The following EYS variants were observed in gnomAD, a reference collection of about 807,000 sequenced individuals.
EYS encodes the protein protein eyes shut homolog.
Under a neutral mutation model 282.1 loss-of-function variants are expected in EYS, and 250 were observed. The ratio of observed to expected loss-of-function variants is 0.89; its 90% CI spans 0.80 to 0.98. The LOEUF (loss-of-function observed/expected upper bound fraction) is 0.98, where lower values mean the gene tolerates loss of function less well. Among genes scored for constraint, EYS ranks in the 50% least tolerant of loss-of-function variants. The pLI, the probability that EYS is intolerant of heterozygous loss-of-function variation, is 0.00. For synonymous variants in EYS, 1,355 were observed against 1,282.9 expected (o/e 1.06, Z -1.20); for missense variants, 4,016 against 3,709.0 (o/e 1.08, Z -2.15).
At chr6:65,545,186 G>C (rs1342220360) in intron 2 of EYS, among the ~76,000 whole-genome samples, 1 of 150,964 alleles carries the variant, frequency 6.6e-6, no homozygotes, top group East Asian at 1.9e-4. Flanking sequence ...GCTTCCCAAA[G>C]TTCTAGAATT....
At chr6:64,551,605 TG>T (rs1314416931) in intron 26 of EYS, among the ~76,000 whole-genome samples, 3 of 150,868 alleles carry the variant, frequency 2.0e-5, no homozygotes, top group Non-Finnish European at 4.4e-5. Flanking sequence ...GGTGCAATCT[TG>T]ACTCACTGCA....
intron 31 of EYS, among the ~76,000 whole-genome samples, chr6:64,153,676 A>T (rs1353366786): frequency 1.3e-5 from 2 of 151,918 alleles, no homozygotes; most frequent in Non-Finnish European, 2.9e-5. Flanking sequence ...TGATGTGGAG[A>T]CACAAGAACT....
At chr6:64,382,110 G>A (rs1294047716) in intron 29 of EYS, among the ~76,000 whole-genome samples, 2 of 152,042 alleles carry the variant, frequency 1.3e-5, no homozygotes, top group African/African-American at 4.8e-5. Flanking sequence ...TCAAAACTTT[G>A]TTCTTCTGGC....
intron 12 of EYS, among the ~76,000 whole-genome samples, chr6:65,212,290 A>G (rs1210397137): frequency 6.6e-6 from 1 of 152,120 alleles, no homozygotes; most frequent in African/African-American, 2.4e-5. Context: ...GTGGTCTAAC[A>G]TAAGAATGAA....
chr6:65,702,706 T>TAATA (rs951670434), intron 1 of EYS, among the ~76,000 whole-genome samples: 12 of 151,342 alleles, frequency 7.9e-5, no homozygotes, highest in Non-Finnish European at 1.2e-4. Context: ...AATAAATAAA[T>TAATA]AATAAATAAA....
At chr6:64,043,923 T>G (rs746984676) in intron 33 of EYS, among the ~76,000 whole-genome samples, 20 of 152,220 alleles carry the variant, frequency 1.3e-4, no homozygotes, top group Admixed American at 3.9e-4. Context: ...GGAAATACAC[T>G]AAGTAAACTT....
chr6:63,907,422 C>T (rs1773804592), intron 35 of EYS, among the ~76,000 whole-genome samples: 1 of 152,132 alleles, frequency 6.6e-6, no homozygotes, highest in Non-Finnish European at 1.5e-5. Context: ...TCAAGGATTC[C>T]TAAAGCTTTG....
At chr6:65,332,680 A>G (rs945729304) in intron 11 of EYS, among the ~76,000 whole-genome samples, 6 of 151,034 alleles carry the variant, frequency 4.0e-5, no homozygotes, top group African/African-American at 1.5e-4. Context: ...CTTCTCTTCT[A>G]TTTTTGGAGG....
intron 31 of EYS, among the ~76,000 whole-genome samples, chr6:64,182,649 T>C (rs749296551): frequency 6.6e-6 from 1 of 152,204 alleles, no homozygotes; most frequent in Non-Finnish European, 1.5e-5. Flanking sequence ...CTTCTCTTAA[T>C]GCATCACGAG....
chr6:65,246,293 A>G (rs1239017889), intron 12 of EYS, among the ~76,000 whole-genome samples: 1 of 152,092 alleles, frequency 6.6e-6, no homozygotes, highest in African/African-American at 2.4e-5. Context: ...AGTATAGGTG[A>G]CTTTTCTGCC....
At chr6:65,127,037 G>A (rs990867710) in intron 12 of EYS, among the ~76,000 whole-genome samples, 1 of 152,080 alleles carries the variant, frequency 6.6e-6, no homozygotes, top group Non-Finnish European at 1.5e-5. Context: ...AAGGAACACT[G>A]TGCCAGGGGA....
At chr6:63,961,816 G>C (rs1216170499) in intron 35 of EYS, among the ~76,000 whole-genome samples, 1 of 152,046 alleles carries the variant, frequency 6.6e-6, no homozygotes, top group Non-Finnish European at 1.5e-5. Flanking sequence ...TATAAATTTT[G>C]ATGGTACACC....
intron 22 of EYS, among the ~76,000 whole-genome samples, chr6:64,803,206 G>T (rs189732391): frequency 6.6e-6 from 1 of 152,138 alleles, no homozygotes; most frequent in African/African-American, 2.4e-5. Context: ...GACCCAGAGT[G>T]GGTAGCTCCT....
chr6:65,452,784 C>A (rs1764453311), intron 5 of EYS, among the ~76,000 whole-genome samples: 1 of 152,012 alleles, frequency 6.6e-6, no homozygotes, highest in South Asian at 2.1e-4. Flanking sequence ...TAATAAATCA[C>A]TGTACTTGCA....
chr6:65,104,098 C>T lies in EYS; in HGVS notation c.2024-46371G>A, dbSNP rs149036560. ...ATTATAGAACATTATAAATACAGTA[C>T]TTTATTTGTGAAGTAGATAATTTTC... On this transcript the variant is annotated intron_variant, in intron 12 of 42. Transcript: ENST00000503581. Among the ~76,000 whole-genome samples, 26 of 151,344 alleles carry T rather than the reference C, an allele frequency of 1.7e-4. No homozygotes were observed. In the East Asian group the frequency reaches 5.0e-3, roughly 29 times the overall value.
intron 15 of EYS, among the ~76,000 whole-genome samples, chr6:64,929,036 G>T (rs1583302730): frequency 6.6e-6 from 1 of 152,092 alleles, no homozygotes; most frequent in African/African-American, 2.4e-5. Context: ...AGACCTTGAG[G>T]TCCTAATCAC....
At chr6:64,692,439 C>T (rs1186539979) in intron 22 of EYS, among the ~76,000 whole-genome samples, 1 of 152,096 alleles carries the variant, frequency 6.6e-6, no homozygotes, top group African/African-American at 2.4e-5. Context: ...CTGTTTATAT[C>T]TTTTGCTGCA....
chr6:64,308,232 C>G (rs1769533001), intron 29 of EYS, among the ~76,000 whole-genome samples: 1 of 151,954 alleles, frequency 6.6e-6, no homozygotes, highest in Non-Finnish European at 1.5e-5. Flanking sequence ...TGCAGCCTGT[C>G]CTCCTTAGGA....
chr6:65,617,072 T>C (rs1000815709), intron 2 of EYS, among the ~76,000 whole-genome samples: 2 of 152,182 alleles, frequency 1.3e-5, no homozygotes, highest in Non-Finnish European at 2.9e-5. Context: ...GGAGAAATAT[T>C]TTTTATACTT....
Sources: allele counts gnomAD v4.1 joint callset (sites outside exome capture counted in the v4.1 genomes callset), GRCh38; gene constraint gnomAD v4.1.1; transcripts MANE v1.5; gene names NCBI Gene and HGNC (gene_info 2026-07-23, HGNC 2026-07-21).